Variants in PHACTR1 observed in about 807,000 individuals in gnomAD.
PHACTR1 encodes RPEL repeat containing 1.
PHACTR1 carries 16 observed loss-of-function variants against 69.2 expected under a neutral mutation model. That is an observed-to-expected ratio of 0.23 (90% confidence interval 0.16 to 0.35). The LOEUF (loss-of-function observed/expected upper bound fraction) is 0.35, where lower values mean the gene tolerates loss of function less well. Among genes scored for constraint, PHACTR1 ranks in the 10% least tolerant of loss-of-function variants. PHACTR1 has a pLI of 1.00. For synonymous variants in PHACTR1, 312 were observed against 284.5 expected (o/e 1.10, Z -0.97); for missense variants, 510 against 734.7 (o/e 0.69, Z 3.54).
intron 4 of PHACTR1, among the ~76,000 whole-genome samples, chr6:12,939,619 C>T (rs1789850623): frequency 6.6e-6 from 1 of 152,138 alleles, no homozygotes; most frequent in African/African-American, 2.4e-5. Flanking sequence ...ACATTCACAC[C>T]ATTCCACTCT....
intron 5 of PHACTR1, among the ~76,000 whole-genome samples, chr6:13,101,174 C>G: frequency 6.6e-6 from 1 of 152,236 alleles, no homozygotes; most frequent in Non-Finnish European, 1.5e-5. Flanking sequence ...GAGCATAGTG[C>G]TGGCATCTTT....
At chr6:13,157,954 T>A (rs759800943) in intron 5 of PHACTR1, among the ~76,000 whole-genome samples, 5 of 152,120 alleles carry the variant, frequency 3.3e-5, no homozygotes, top group Admixed American at 6.6e-5. Context: ...ACAATCTCGC[T>A]CACTGCAACC....
chr6:13,047,153 G>T (rs1424707443), intron 4 of PHACTR1, among the ~76,000 whole-genome samples: 1 of 152,068 alleles, frequency 6.6e-6, no homozygotes, highest in African/African-American at 2.4e-5. Flanking sequence ...CAAGGTGGGC[G>T]GATCACATGA....
chr6:13,109,610 C>G (rs1816707653), intron 5 of PHACTR1, among the ~76,000 whole-genome samples: 1 of 151,950 alleles, frequency 6.6e-6, no homozygotes, highest in Non-Finnish European at 1.5e-5. Flanking sequence ...GCATTGGAGT[C>G]ATTTTCTTTA....
intron 4 of PHACTR1, among the ~76,000 whole-genome samples, chr6:12,883,452 TG>T (rs1783304432): frequency 6.6e-6 from 1 of 151,678 alleles, no homozygotes; most frequent in African/African-American, 2.4e-5. Context: ...TGACCCCAGG[TG>T]ATCTGTCCTC....
intron 4 of PHACTR1, among the ~76,000 whole-genome samples, chr6:12,870,307 T>C (rs952850550): frequency 6.6e-6 from 1 of 152,148 alleles, no homozygotes; most frequent in Non-Finnish European, 1.5e-5. Flanking sequence ...GAAATACATA[T>C]CTTGCTTAGA....
At chr6:13,251,284 AACGTT>A (rs1415973030) in intron 10 of PHACTR1, among the ~76,000 whole-genome samples, 2 of 152,130 alleles carry the variant, frequency 1.3e-5, no homozygotes, top group East Asian at 3.9e-4. Flanking sequence ...GACTGAGGGG[AACGTT>A]ACACAATCAG....
At chr6:13,229,301 T>G (rs1201254163) in intron 9 of PHACTR1, among the ~76,000 whole-genome samples, 1 of 152,098 alleles carries the variant, frequency 6.6e-6, no homozygotes, top group Non-Finnish European at 1.5e-5. Flanking sequence ...CACCTTAGTT[T>G]TGACAACCAA....
chr6:12,781,598 G>C (rs754590241), intron 4 of PHACTR1, among the ~76,000 whole-genome samples: 103 of 152,298 alleles, frequency 6.8e-4, no homozygotes, highest in Non-Finnish European at 1.2e-3. Context: ...CCTAATCCAC[G>C]GGGGCTTAAT....
At chr6:13,229,422 T>C (rs7759256) in intron 9 of PHACTR1, among the ~76,000 whole-genome samples, 29,989 of 152,086 alleles carry the variant, frequency 0.2, 4,396 homozygotes, top group African/African-American at 0.4. Flanking sequence ...TGCTCAGAAA[T>C]GCTGGGGTTG....
In PHACTR1 at chr6:13,250,787, TTGGGCGCAAGACAGGTC is replaced by T. The variant is rs778702972; in HGVS notation, c.1391+20613_1391+20629del. Among the ~76,000 whole-genome samples, 10 of 152,276 alleles carry T rather than the reference TTGGGCGCAAGACAGGTC, an allele frequency of 6.6e-5. No homozygotes were observed. The East Asian group carries it at 7.7e-4, about 12-fold the overall frequency. ...GAGCCAGATACTAAAACATGACTCC[TTGGGCGCAAGACAGGTC>T]TGGGCGCAAGACAGGTCTATCCTCA... is the stretch of plus-strand genomic sequence containing the variant. On this transcript the variant is annotated intron_variant, in intron 10 of 14. Transcript: ENST00000332995.
intron 9 of PHACTR1, 44 bp downstream of exon 9, chr6:13,228,107 A>G: frequency 6.3e-7 from 1 of 1,577,558 alleles, no homozygotes; most frequent in South Asian, 1.1e-5. Flanking sequence ...GAAGCATGCT[A>G]TTGTGGAAAG....
intron 4 of PHACTR1, among the ~76,000 whole-genome samples, chr6:12,845,265 G>A (rs1031447703): frequency 1.3e-5 from 2 of 152,080 alleles, no homozygotes; most frequent in Non-Finnish European, 2.9e-5. Flanking sequence ...TTCTTCACCA[G>A]ATCTCTTGAT....
chr6:13,192,901 G>T (rs952293397), intron 7 of PHACTR1, among the ~76,000 whole-genome samples: 2 of 152,142 alleles, frequency 1.3e-5, no homozygotes, highest in African/African-American at 4.8e-5. Flanking sequence ...CAGGATACTT[G>T]CATTTTAGGG....
At chr6:12,754,388 A>G (rs1273781796) in intron 4 of PHACTR1, among the ~76,000 whole-genome samples, 1 of 152,084 alleles carries the variant, frequency 6.6e-6, no homozygotes, top group Non-Finnish European at 1.5e-5. Context: ...GTTCCTCACT[A>G]TATTTTTTGT....
At chr6:13,046,404 A>G (rs2127722734) in intron 4 of PHACTR1, among the ~76,000 whole-genome samples, 1 of 152,274 alleles carries the variant, frequency 6.6e-6, no homozygotes, top group African/African-American at 2.4e-5. Flanking sequence ...CTTGGTGCTA[A>G]TACATAAATT....
intron 3 of PHACTR1, among the ~76,000 whole-genome samples, chr6:12,741,421 G>A (rs1765025639): frequency 6.6e-6 from 1 of 151,908 alleles, no homozygotes; most frequent in East Asian, 1.9e-4. Flanking sequence ...TTAAGTCCAT[G>A]ATCCATTTGG....
intron 4 of PHACTR1, among the ~76,000 whole-genome samples, chr6:12,923,618 C>A (rs1036654051): frequency 6.6e-6 from 1 of 152,110 alleles, no homozygotes; most frequent in East Asian, 1.9e-4. Context: ...CTTGCCAATT[C>A]TTTTTTTCCT....
At chr6:12,749,386 G>A (rs557984606) in intron 3 of PHACTR1, 4 of 554,534 alleles carry the variant, frequency 7.2e-6, no homozygotes, top group African/African-American at 5.6e-5. Flanking sequence ...GCCAGCCAGG[G>A]ATAGCCTGAT....
Sources: allele counts gnomAD v4.1 joint callset (sites outside exome capture counted in the v4.1 genomes callset), GRCh38; gene constraint gnomAD v4.1.1; transcripts MANE v1.5; gene names NCBI Gene and HGNC (gene_info 2026-07-23, HGNC 2026-07-21).